Variants in OPCML observed in about 807,000 individuals in gnomAD.
OPCML encodes the protein opioid binding protein/cell adhesion molecule like.
Under a neutral mutation model 37.8 loss-of-function variants are expected in OPCML, and 13 were observed. The observed-to-expected ratio is 0.34, with a 90% CI of 0.22 to 0.55. OPCML has a LOEUF of 0.55. OPCML is among the 20% of genes least tolerant of loss of function. The pLI is 0.91. For missense variants in OPCML, 341 were observed against 435.6 expected (o/e 0.78, Z 1.93); for synonymous variants, 176 against 168.8 (o/e 1.04, Z -0.33).
intron 1 of OPCML, among the ~76,000 whole-genome samples, chr11:133,344,045 A>G (rs1365865331): frequency 6.6e-6 from 1 of 152,216 alleles, no homozygotes; most frequent in East Asian, 1.9e-4. Flanking sequence ...GAGGAAACAC[A>G]TTGACAAGGT....
At chr11:132,570,591 A>G (rs1442556753) in intron 3 of OPCML, among the ~76,000 whole-genome samples, 1 of 151,760 alleles carries the variant, frequency 6.6e-6, no homozygotes, top group Non-Finnish European at 1.5e-5. Flanking sequence ...TCAAGTAAGT[A>G]GAAAGATAAT....
chr11:132,572,950 T>G (rs1157849112), intron 3 of OPCML, among the ~76,000 whole-genome samples: 1 of 151,974 alleles, frequency 6.6e-6, no homozygotes, highest in African/African-American at 2.4e-5. Context: ...GTTTTTAATG[T>G]AAAAATTTTT....
chr11:132,816,901 G>A (rs1290863855), intron 2 of OPCML, among the ~76,000 whole-genome samples: 6 of 152,172 alleles, frequency 3.9e-5, no homozygotes, highest in South Asian at 2.1e-4. Context: ...AAAATGAGGC[G>A]TGAAGAGGGA....
chr11:132,656,371 T>G (rs1351608650), intron 3 of OPCML, among the ~76,000 whole-genome samples: 2 of 152,226 alleles, frequency 1.3e-5, no homozygotes, highest in Non-Finnish European at 2.9e-5. Flanking sequence ...AATATGAAAT[T>G]TAAATTAAAA....
chr11:132,731,269 G>A (rs2136009969), intron 2 of OPCML, among the ~76,000 whole-genome samples: 1 of 152,322 alleles, frequency 6.6e-6, no homozygotes, highest in Middle Eastern at 3.4e-3. Context: ...ACCCAAGAAA[G>A]TCAGGACAAT....
chr11:132,759,150 C>T (rs971454418), intron 2 of OPCML, among the ~76,000 whole-genome samples: 13 of 152,182 alleles, frequency 8.5e-5, no homozygotes, highest in African/African-American at 1.9e-4. Flanking sequence ...GGGATGAAAC[C>T]GACTTGATCA....
chr11:132,796,372 GAT>G (rs1938309283), intron 2 of OPCML, among the ~76,000 whole-genome samples: 1 of 152,026 alleles, frequency 6.6e-6, no homozygotes, highest in South Asian at 2.1e-4. Context: ...TTTTTGTGTA[GAT>G]ATATGTTTTT....
chr11:133,494,390 T>C (rs1412488401), intron 1 of OPCML, among the ~76,000 whole-genome samples: 3 of 151,844 alleles, frequency 2.0e-5, no homozygotes, highest in South Asian at 4.2e-4. Flanking sequence ...CAAAGGACTA[T>C]AAATCATGCT....
chr11:133,159,100 G>A (rs1187333539), intron 1 of OPCML, among the ~76,000 whole-genome samples: 1 of 152,190 alleles, frequency 6.6e-6, no homozygotes, highest in African/African-American at 2.4e-5. Context: ...CCAAGCTAAT[G>A]GAAAGTGAAA....
At chr11:132,768,409 C>T (rs530094640) in intron 2 of OPCML, among the ~76,000 whole-genome samples, 50 of 152,274 alleles carry the variant, frequency 3.3e-4, no homozygotes, top group African/African-American at 1.2e-3. Context: ...GCCTCCAGAC[C>T]ACTGAACTAT....
At chr11:132,511,627 G>A (rs2155540) in intron 4 of OPCML, among the ~76,000 whole-genome samples, 31,658 of 151,730 alleles carry the variant, frequency 0.21, 3,389 homozygotes, top group Non-Finnish European at 0.23. Flanking sequence ...TTTCAACAAA[G>A]AAACTAAGGT....
chr11:132,926,030 A>G (rs1944978448), intron 2 of OPCML, among the ~76,000 whole-genome samples: 1 of 152,192 alleles, frequency 6.6e-6, no homozygotes. Context: ...AGGTGTTTGC[A>G]TAGCTCACTT....
At chr11:132,718,835 T>G (rs1050551400) in intron 2 of OPCML, among the ~76,000 whole-genome samples, 5 of 152,142 alleles carry the variant, frequency 3.3e-5, no homozygotes, top group African/African-American at 1.2e-4. Context: ...AAAGAGACAG[T>G]GACTCCCTGG....
intron 1 of OPCML, among the ~76,000 whole-genome samples, chr11:133,309,327 G>C (rs989541396): frequency 6.6e-6 from 1 of 152,146 alleles, no homozygotes; most frequent in African/African-American, 2.4e-5. Context: ...TCTCTTTCGT[G>C]TCCTTCCCAA....
At chr11:132,975,642 A>T (rs1216909067) in intron 1 of OPCML, among the ~76,000 whole-genome samples, 2 of 146,178 alleles carry the variant, frequency 1.4e-5, no homozygotes, top group Non-Finnish European at 3.0e-5. Flanking sequence ...TTTTTCTGGA[A>T]ATTCTACTTT....
intron 3 of OPCML, among the ~76,000 whole-genome samples, chr11:132,587,930 C>T (rs1287032872): frequency 6.6e-6 from 1 of 152,098 alleles, no homozygotes; most frequent in Non-Finnish European, 1.5e-5. Flanking sequence ...CTTGAGAAAC[C>T]TGCTCTTCCT....
chr11:132,875,218 A>G (rs1942964352), intron 2 of OPCML, among the ~76,000 whole-genome samples: 1 of 152,186 alleles, frequency 6.6e-6, no homozygotes, highest in East Asian at 1.9e-4. Flanking sequence ...TGTTGAATCC[A>G]TCTTTCCCTT....
At chr11:132,794,868 C>T (rs1938204230) in intron 2 of OPCML, among the ~76,000 whole-genome samples, 1 of 147,998 alleles carries the variant, frequency 6.8e-6, no homozygotes, top group Non-Finnish European at 1.5e-5. Flanking sequence ...TTTGACCTAT[C>T]AACCTAACAA....
intron 2 of OPCML, among the ~76,000 whole-genome samples, chr11:132,769,970 T>C (rs1433921686): frequency 6.6e-6 from 1 of 152,264 alleles, no homozygotes; most frequent in South Asian, 2.1e-4. Flanking sequence ...CTGGAAGGAA[T>C]GCTCTGCACC....
Sources: allele counts gnomAD v4.1 joint callset (sites outside exome capture counted in the v4.1 genomes callset), GRCh38; gene constraint gnomAD v4.1.1; transcripts MANE v1.5; gene names NCBI Gene and HGNC (gene_info 2026-07-23, HGNC 2026-07-21).